Variants in ARSF observed in about 807,000 individuals in gnomAD.
ARSF encodes the protein arylsulfatase F.
Under a neutral mutation model 35.4 loss-of-function variants are expected in ARSF, and 33 were observed. The observed-to-expected ratio is 0.93, with a 90% CI of 0.71 to 1.25. The LOEUF (loss-of-function observed/expected upper bound fraction) is 1.25, where lower values mean the gene tolerates loss of function less well. ARSF is among the 50% of genes most tolerant of loss of function. The pLI is 0.00. For missense variants in ARSF, 501 were observed against 480.2 expected (o/e 1.04, Z -0.40); for synonymous variants, 222 against 193.1 (o/e 1.15, Z -1.24).
At chrX:3,044,692 GTTAC>G (rs2089967959) in intron 1 of ARSF, among the ~76,000 whole-genome samples, 1 of 109,986 alleles carries the variant, frequency 9.1e-6, no homozygotes, top group African/African-American at 3.3e-5. Context: ...CCAATGCTCA[GTTAC>G]TTCTCTGCTC....
At chrX:3,059,760 T>C (rs1425946693) in intron 1 of ARSF, among the ~76,000 whole-genome samples, 2 of 112,473 alleles carry the variant, frequency 1.8e-5, no homozygotes, top group East Asian at 5.6e-4. Context: ...TGCTGAGGCT[T>C]GAGTAGGTAA....
chrX:3,089,465 C>T (rs758546217), intron 6 of ARSF, 31 bp from the exon 7 acceptor site: 1 of 1,206,111 alleles, frequency 8.3e-7, no homozygotes, highest in South Asian at 1.8e-5. Flanking sequence ...ATATTGAAAA[C>T]TCACAAGTAG....
rs776115364 is a variant in ARSF, at chrX:3,084,602, C to T, written c.766C>T (p.Gln256Ter). ...CATGCGGGGGCACGAGATCACGGAGCAGCCCATGAAGGCTGAACGAGCTGG... is the reference window on the plus strand; with the variant it reads ...CATGCGGGGGCACGAGATCACGGAGTAGCCCATGAAGGCTGAACGAGCTGG... ...LLMRGHEITE[Q>*]PMKAERAGSI... Residue 256 changes from glutamine to a stop codon, truncating the protein, a stop_gained, in exon 6 of 11, where the codon CAG becomes TAG. Transcript: ENST00000381127. LOFTEE classifies it high-confidence loss of function. 2.5e-6 allele frequency: 3 copies of T among 1,206,909 alleles called. No homozygotes were observed. The highest frequency in any genetic ancestry group is 3.4e-6 in the Non-Finnish European group (3 of 893,572).
At position 3,103,762 on chromosome X, in the gene ARSF, G is replaced by T. The variant is rs1046882876; in HGVS notation, c.1103G>T (p.Gly368Val). 1.7e-6 allele frequency: 2 copies of T among 1,210,872 alleles called. No homozygotes were observed. The highest frequency in any genetic ancestry group is 2.2e-6 in the Non-Finnish European group (2 of 895,082). ...TGAACTTAATTGCATTGTCTTATAGGTGGAAAAGGCATGGGGGGCTGGGAA... is the reference window on the plus strand; with the variant it reads ...TGAACTTAATTGCATTGTCTTATAGTTGGAAAAGGCATGGGGGGCTGGGAA... ...QLGGWNGIYK[G>V]GKGMGGWEGG... The change falls in exon 9 of 11, where the codon GGT becomes GTT. Residue 368 changes from glycine to valine, a missense_variant and splice_region_variant. Transcript: ENST00000381127.
At chrX:3,071,948 G>A in intron 2 of ARSF, 78 bp from the exon 3 acceptor site, 1 of 1,044,805 alleles carries the variant, frequency 9.6e-7, no homozygotes, top group South Asian at 1.9e-5. Context: ...AAAGACCCCT[G>A]TTGTGTTGTG....
At chrX:3,040,948 T>C (rs2089952600), upstream of ARSF, among the ~76,000 whole-genome samples, 1 of 111,249 alleles carries the variant, frequency 9.0e-6, no homozygotes, top group Non-Finnish European at 1.9e-5. Flanking sequence ...ACAGTTTAGT[T>C]CCTCATTTTA....
At chrX:3,042,590 A>G (rs1163410718) in intron 1 of ARSF, among the ~76,000 whole-genome samples, 1 of 110,404 alleles carries the variant, frequency 9.1e-6, no homozygotes, top group Admixed American at 9.8e-5. Context: ...TCTGCCTCCC[A>G]GGTTCAAGCG....
chrX:3,057,360 G>A (rs1166714945), intron 1 of ARSF, among the ~76,000 whole-genome samples: 2 of 111,656 alleles, frequency 1.8e-5, no homozygotes, highest in Non-Finnish European at 3.8e-5. Flanking sequence ...CTGCTTAAAA[G>A]CTCTCTTCAG....
At chrX:3,072,706 C>T (rs1385880216) in intron 3 of ARSF, among the ~76,000 whole-genome samples, 1 of 110,020 alleles carries the variant, frequency 9.1e-6, no homozygotes, top group African/African-American at 3.3e-5. Flanking sequence ...CTCTATCATA[C>T]AGCCTATTAT....
intron 1 of ARSF, among the ~76,000 whole-genome samples, chrX:3,061,255 G>T (rs1200511428): frequency 9.0e-6 from 1 of 111,431 alleles, no homozygotes; most frequent in Non-Finnish European, 1.9e-5. Flanking sequence ...CAAATGCTGA[G>T]AGATTTTGTC....
intron 4 of ARSF, among the ~76,000 whole-genome samples, chrX:3,080,406 G>A (rs755736173): frequency 2.7e-5 from 3 of 109,202 alleles, no homozygotes; most frequent in Non-Finnish European, 5.7e-5. Flanking sequence ...CCTGGGAGGT[G>A]GAGGTTGCAG....
chrX:3,050,128 TAAAAC>T (rs778678667), intron 1 of ARSF, among the ~76,000 whole-genome samples: 4 of 111,831 alleles, frequency 3.6e-5, no homozygotes, highest in Admixed American at 9.6e-5. Context: ...TTGATGGAGT[TAAAAC>T]AAAAGACTTT....
intron 1 of ARSF, among the ~76,000 whole-genome samples, chrX:3,045,892 T>A (rs1166215374): frequency 9.1e-6 from 1 of 109,933 alleles, no homozygotes; most frequent in South Asian, 3.9e-4. Flanking sequence ...TGTTTTGTTT[T>A]GTTTTTTGAG....
At chrX:3,044,635 C>T (rs2089967690) in intron 1 of ARSF, among the ~76,000 whole-genome samples, 1 of 110,405 alleles carries the variant, frequency 9.1e-6, no homozygotes, top group Admixed American at 9.8e-5. Flanking sequence ...GCTGGGCTCC[C>T]CTCCAAAACC....
chrX:3,102,055 T>C (rs1472006487), intron 8 of ARSF, among the ~76,000 whole-genome samples: 1 of 111,360 alleles, frequency 9.0e-6, no homozygotes, highest in Non-Finnish European at 1.9e-5. Context: ...GTGTACTCTT[T>C]AGAGCGTGTA....
At chrX:3,067,859 A>T (rs904312421) in intron 1 of ARSF, among the ~76,000 whole-genome samples, 1 of 109,079 alleles carries the variant, frequency 9.2e-6, no homozygotes, top group Non-Finnish European at 1.9e-5. Flanking sequence ...TCCGGCTCAA[A>T]AAAAAAAAAA....
intron 6 of ARSF, 85 bp from the exon 7 acceptor site, chrX:3,089,411 G>T (rs1057247196): frequency 1.9e-6 from 2 of 1,072,479 alleles, no homozygotes; most frequent in East Asian, 3.1e-5. Context: ...AAGGAAGCAG[G>T]TCATGTCTAT....
intron 1 of ARSF, among the ~76,000 whole-genome samples, chrX:3,054,399 CT>C (rs924324130): frequency 9.0e-6 from 1 of 111,118 alleles, no homozygotes; most frequent in Non-Finnish European, 1.9e-5. Context: ...TCCACAATGA[CT>C]TTTTTTTAAT....
chrX:3,064,560 A>C (rs1485007123), intron 1 of ARSF, among the ~76,000 whole-genome samples: 4 of 112,116 alleles, frequency 3.6e-5, no homozygotes, highest in South Asian at 3.7e-4. Context: ...CCATCTGACA[A>C]AGGGCTAATA....
Sources: gnomAD v4.1 joint callset for allele counts (sites outside exome capture counted in the v4.1 genomes callset) on GRCh38, gnomAD v4.1.1 for gene constraint, MANE v1.5 for transcripts, NCBI Gene and HGNC (gene_info 2026-07-23, HGNC 2026-07-21) for gene names.